The following TMEM132C variants were observed in gnomAD, a reference collection of about 807,000 sequenced individuals.
The protein encoded by TMEM132C is transmembrane protein 132C.
A neutral mutation model predicts 61.4 loss-of-function variants in TMEM132C; 29 were observed. The ratio of observed to expected loss-of-function variants is 0.47; its 90% confidence interval spans 0.35 to 0.64. The LOEUF (loss-of-function observed/expected upper bound fraction) is 0.64. TMEM132C is among the 30% of genes least tolerant of loss of function. The pLI is 0.00. For synonymous variants in TMEM132C, 656 were observed against 633.1 expected, an observed-to-expected ratio of 1.04 and a Z score of -0.54; for missense variants, 1,408 against 1,476.9, an observed-to-expected ratio of 0.95 and a Z score of 0.76.
intron 5 of TMEM132C, among the ~76,000 whole-genome samples, chr12:128,686,776 AG>A (rs1316656369): frequency 6.6e-6 from 1 of 152,240 alleles, no homozygotes; most frequent in Non-Finnish European, 1.5e-5. Flanking sequence ...CCTAGAGTTT[AG>A]GTTCTCCTGA....
chr12:128,507,468 C>T (rs1288054186), intron 2 of TMEM132C, among the ~76,000 whole-genome samples: 1 of 137,924 alleles, frequency 7.3e-6, no homozygotes, highest in African/African-American at 2.7e-5. Context: ...AGATGAAAAT[C>T]CAAAGGACAG....
intron 3 of TMEM132C, among the ~76,000 whole-genome samples, chr12:128,571,370 T>A (rs1874877835): frequency 6.6e-6 from 1 of 152,238 alleles, no homozygotes; most frequent in East Asian, 1.9e-4. Flanking sequence ...AGAATGTTTT[T>A]TAATGAATAT....
chr12:128,481,081 T>G (rs1300486062), intron 2 of TMEM132C, among the ~76,000 whole-genome samples: 1 of 152,162 alleles, frequency 6.6e-6, no homozygotes, highest in African/African-American at 2.4e-5. Context: ...GAGTTGCTCA[T>G]GGAGTCCAGG....
At chr12:128,420,101 C>CA (rs1369887748) in intron 2 of TMEM132C, among the ~76,000 whole-genome samples, 1 of 152,000 alleles carries the variant, frequency 6.6e-6, no homozygotes, top group Non-Finnish European at 1.5e-5. Context: ...GAGGCTGAGG[C>CA]AGGAGAATGG....
chr12:128,607,930 G>C (rs914955452), intron 3 of TMEM132C, among the ~76,000 whole-genome samples: 1 of 152,100 alleles, frequency 6.6e-6, no homozygotes, highest in African/African-American at 2.4e-5. Context: ...TTGTGGTCAC[G>C]CTCTCCCATA....
Position 128,647,428 on chromosome 12 carries a change from A to T in TMEM132C, c.1306-21989A>T, listed in dbSNP as rs1310628928. Reference sequence around the variant, plus strand: ...TCAGCATTGGATGAGTGTGTTTACTAGCCCCTATCAGCGTTGGATGTGAGT... The same window carrying T: ...TCAGCATTGGATGAGTGTGTTTACTTGCCCCTATCAGCGTTGGATGTGAGT... On this transcript the variant is annotated intron_variant, in intron 4 of 8. Coordinates refer to ENST00000435159, the MANE Select transcript of TMEM132C (RefSeq NM_001136103.3). 2.0e-5 allele frequency among the ~76,000 whole-genome samples: 3 copies of T among 146,644 alleles called. No homozygotes were observed. In the East Asian group the frequency reaches 6.2e-4, roughly 30 times the overall value.
chr12:128,591,076 G>A (rs1405622884), intron 3 of TMEM132C, among the ~76,000 whole-genome samples: 1 of 152,154 alleles, frequency 6.6e-6, no homozygotes. Flanking sequence ...AGCCACTGCA[G>A]CCACGCTTTA....
At chr12:128,572,191 C>A (rs1874911649) in intron 3 of TMEM132C, among the ~76,000 whole-genome samples, 1 of 152,016 alleles carries the variant, frequency 6.6e-6, no homozygotes, top group Admixed American at 6.5e-5. Flanking sequence ...GGTCACATGC[C>A]CACTGTGCCA....
chr12:128,523,811 GAAA>G (rs1555229605), intron 2 of TMEM132C, among the ~76,000 whole-genome samples: 1 of 100,106 alleles, frequency 1.0e-5, no homozygotes, highest in East Asian at 3.4e-4. Flanking sequence ...ACAAGCCCAG[GAAA>G]AAAAAAAAAA....
At chr12:128,569,842 C>T (rs1353678453) in intron 3 of TMEM132C, among the ~76,000 whole-genome samples, 1 of 152,162 alleles carries the variant, frequency 6.6e-6, no homozygotes, top group African/African-American at 2.4e-5. Context: ...AGATAGAGCC[C>T]TGATCGCATT....
chr12:128,315,387 G>C (rs1177098371), intron 1 of TMEM132C, among the ~76,000 whole-genome samples: 1 of 152,110 alleles, frequency 6.6e-6, no homozygotes, highest in Non-Finnish European at 1.5e-5. Context: ...CACACAGTTG[G>C]ATTTGTCTAG....
chr12:128,518,276 G>A (rs1308388537), intron 2 of TMEM132C, among the ~76,000 whole-genome samples: 1 of 152,186 alleles, frequency 6.6e-6, no homozygotes, highest in East Asian at 1.9e-4. Context: ...ATATATTCTA[G>A]GAGTCTTTTA....
chr12:128,580,573 A>G (rs1057080566), intron 3 of TMEM132C, among the ~76,000 whole-genome samples: 1 of 152,206 alleles, frequency 6.6e-6, no homozygotes, highest in African/African-American at 2.4e-5. Flanking sequence ...ACCAAAGTAG[A>G]TATATTTTTT....
intron 2 of TMEM132C, among the ~76,000 whole-genome samples, chr12:128,463,864 A>G (rs930529504): frequency 3.3e-5 from 5 of 152,040 alleles, no homozygotes; most frequent in African/African-American, 1.2e-4. Context: ...AAACTCCAAG[A>G]TGTGAGTTGA....
intron 4 of TMEM132C, among the ~76,000 whole-genome samples, chr12:128,651,644 G>T (rs1954271249): frequency 1.3e-5 from 2 of 152,116 alleles, no homozygotes; most frequent in South Asian, 2.1e-4. Flanking sequence ...GACAGAGAAG[G>T]CCTCAAAGCT....
At chr12:128,652,866 G>A (rs1181904830) in intron 4 of TMEM132C, among the ~76,000 whole-genome samples, 1 of 152,190 alleles carries the variant, frequency 6.6e-6, no homozygotes, top group Non-Finnish European at 1.5e-5. Context: ...AATTCGCCTT[G>A]GGGAAAAGTC....
At chr12:128,384,183 T>C (rs551970330) in intron 1 of TMEM132C, among the ~76,000 whole-genome samples, 272 of 152,292 alleles carry the variant, frequency 1.8e-3, no homozygotes, top group African/African-American at 5.8e-3. Context: ...ACCTTCTCCT[T>C]CTTGACAGAC....
chr12:128,291,745 T>C (rs1262211586), intron 1 of TMEM132C, among the ~76,000 whole-genome samples: 4 of 152,354 alleles, frequency 2.6e-5, no homozygotes, highest in African/African-American at 9.6e-5. Flanking sequence ...TATAGGGAAC[T>C]GCACCTCCCA....
chr12:128,401,529 G>C (rs1384803697), intron 1 of TMEM132C, among the ~76,000 whole-genome samples: 1 of 152,170 alleles, frequency 6.6e-6, no homozygotes, highest in Non-Finnish European at 1.5e-5. Flanking sequence ...GGAGCAAGTT[G>C]CATTTCACAT....
Sources: allele counts gnomAD v4.1 joint callset (sites outside exome capture counted in the v4.1 genomes callset), GRCh38; gene constraint gnomAD v4.1.1; transcripts MANE v1.5; gene names NCBI Gene and HGNC (gene_info 2026-07-23, HGNC 2026-07-21).